Variants in CADM2 observed in about 807,000 individuals in gnomAD.
CADM2 encodes immunoglobulin superfamily member 4D.
A neutral mutation model predicts 49.8 loss-of-function variants in CADM2; 12 were observed. The observed-to-expected ratio is 0.24, with a 90% CI of 0.15 to 0.39. The LOEUF (loss-of-function observed/expected upper bound fraction) is 0.39. Ranked by LOEUF, CADM2 falls within the 10% of genes least tolerant of loss-of-function variation. The pLI is 1.00. For missense variants in CADM2, 378 were observed against 492.3 expected, an observed-to-expected ratio of 0.77 and a Z score of 2.20; for synonymous variants, 214 against 175.4, an observed-to-expected ratio of 1.22 and a Z score of -1.74.
intron 1 of CADM2, among the ~76,000 whole-genome samples, chr3:85,127,433 CA>C (rs1212466876): frequency 6.6e-6 from 1 of 152,120 alleles, no homozygotes; most frequent in East Asian, 1.9e-4. Flanking sequence ...CGTAAAGGGC[CA>C]ACTGGCCCAA....
chr3:85,789,350 A>G (rs1365751444), intron 2 of CADM2, among the ~76,000 whole-genome samples: 2 of 152,172 alleles, frequency 1.3e-5, no homozygotes, highest in Admixed American at 1.3e-4. Flanking sequence ...TCAGTTCTAG[A>G]TCTTACTCAT....
At chr3:85,091,032 G>A (rs372849578) in intron 1 of CADM2, among the ~76,000 whole-genome samples, 1 of 152,062 alleles carries the variant, frequency 6.6e-6, no homozygotes, top group Non-Finnish European at 1.5e-5. Flanking sequence ...TTAACCTAGG[G>A]TTATTGATAA....
At chr3:85,340,979 G>C (rs1207236453) in intron 1 of CADM2, among the ~76,000 whole-genome samples, 4 of 151,520 alleles carry the variant, frequency 2.6e-5, no homozygotes, top group African/African-American at 9.7e-5. Context: ...CATTTTATTA[G>C]AAGTCTAATA....
At chr3:85,208,968 T>C (rs1204708274) in intron 1 of CADM2, among the ~76,000 whole-genome samples, 1 of 152,178 alleles carries the variant, frequency 6.6e-6, no homozygotes, top group East Asian at 1.9e-4. Context: ...ATGTCATGAA[T>C]TTTAAAATAA....
intron 1 of CADM2, among the ~76,000 whole-genome samples, chr3:85,620,700 A>C (rs2063948743): frequency 6.6e-6 from 1 of 152,148 alleles, no homozygotes; most frequent in African/African-American, 2.4e-5. Context: ...AACATCTTTT[A>C]AACAATTATT....
chr3:85,030,895 G>C (rs571127537), intron 1 of CADM2, among the ~76,000 whole-genome samples: 196 of 152,234 alleles, frequency 1.3e-3, no homozygotes, highest in African/African-American at 4.1e-3. Flanking sequence ...AAAACAGATG[G>C]TATACTAAAA....
intron 1 of CADM2, among the ~76,000 whole-genome samples, chr3:85,084,076 G>A (rs1018960180): frequency 1.3e-5 from 2 of 152,196 alleles, no homozygotes; most frequent in East Asian, 1.9e-4. Context: ...AATAAGCTGC[G>A]TGATGTGAAA....
intron 3 of CADM2, among the ~76,000 whole-genome samples, chr3:85,880,807 A>C (rs959362201): frequency 3.9e-5 from 6 of 152,330 alleles, no homozygotes; most frequent in East Asian, 1.9e-4. Context: ...GGTGGAGCTC[A>C]GGCAGTGATG....
At chr3:85,419,715 T>C (rs1055648596) in intron 1 of CADM2, among the ~76,000 whole-genome samples, 9 of 152,172 alleles carry the variant, frequency 5.9e-5, no homozygotes, top group Non-Finnish European at 1.3e-4. Context: ...ATTGTGTAAC[T>C]GCAAAAAGTA....
intron 1 of CADM2, among the ~76,000 whole-genome samples, chr3:85,404,932 G>T (rs6766094): frequency 6.6e-6 from 1 of 152,092 alleles, no homozygotes; most frequent in African/African-American, 2.4e-5. Context: ...TAGCAGTTTA[G>T]ATAGACCTTC....
At chr3:85,928,007 C>G (rs1720101474) in intron 6 of CADM2, among the ~76,000 whole-genome samples, 1 of 152,096 alleles carries the variant, frequency 6.6e-6, no homozygotes, top group South Asian at 2.1e-4. Context: ...CAGGTCTTTT[C>G]TCTTTTAAAA....
rs374676158 is a variant in CADM2 at position 85,665,935 on chromosome 3, A to T, written c.62-60587A>T. Among the ~76,000 whole-genome samples the T allele has an allele frequency of 2.0e-5, 3 of 151,950 alleles. No individual in the cohort carries two copies. In the East Asian group the frequency reaches 5.8e-4, roughly 29 times the overall value. ...GATAACAAGGGTATTCAATTAGGAA[A>T]AGAAGAAGTCAAATTGTCTCTATTT... On this transcript the variant is annotated intron_variant, in intron 1 of 9. Coordinates refer to ENST00000383699, the MANE Select transcript of CADM2 (RefSeq NM_001167675.2).
At chr3:85,385,770 C>G (rs1443142858) in intron 1 of CADM2, 1 of 145,154 alleles carries the variant, frequency 6.9e-6, no homozygotes, top group Non-Finnish European at 1.5e-5. Context: ...ATAACAAACA[C>G]CTGTAAAACA....
chr3:85,813,583 T>G (rs2073021926), intron 3 of CADM2, among the ~76,000 whole-genome samples: 1 of 152,206 alleles, frequency 6.6e-6, no homozygotes, highest in Admixed American at 6.5e-5. Context: ...TTGCCATTGT[T>G]TTTGTGTTTT....
chr3:85,956,220 AC>A (rs1724033247), intron 7 of CADM2, among the ~76,000 whole-genome samples: 1 of 151,564 alleles, frequency 6.6e-6, no homozygotes. Flanking sequence ...GAAACTGTAG[AC>A]TGGAACCACT....
intron 1 of CADM2, among the ~76,000 whole-genome samples, chr3:85,482,883 CTT>C (rs538610249): frequency 7.9e-5 from 12 of 151,242 alleles, no homozygotes; most frequent in South Asian, 2.1e-4. Flanking sequence ...ATTAATAAAA[CTT>C]AATATGCTAT....
intron 1 of CADM2, among the ~76,000 whole-genome samples, chr3:85,474,114 GGATCTCCAGA>G (rs1169934560): frequency 4.6e-5 from 7 of 151,572 alleles, no homozygotes; most frequent in Non-Finnish European, 8.8e-5. Flanking sequence ...TATTAGTTAG[GGATCTCCAGA>G]AAAATAGAAC....
intron 1 of CADM2, among the ~76,000 whole-genome samples, chr3:85,557,920 A>G (rs2062001287): frequency 6.6e-6 from 1 of 152,108 alleles, no homozygotes; most frequent in Admixed American, 6.6e-5. Flanking sequence ...TCATGCTTAA[A>G]CAATAGACAC....
chr3:85,635,966 G>A (rs2064462111), intron 1 of CADM2, among the ~76,000 whole-genome samples: 1 of 152,102 alleles, frequency 6.6e-6, no homozygotes, highest in South Asian at 2.1e-4. Context: ...GGTGATGCTG[G>A]TGTAAGAAAC....
Sources: allele counts gnomAD v4.1 joint callset (sites outside exome capture counted in the v4.1 genomes callset), GRCh38; gene constraint gnomAD v4.1.1; transcripts MANE v1.5; gene names NCBI Gene and HGNC (gene_info 2026-07-23, HGNC 2026-07-21).